DENND4C: variants seen among roughly 807,000 people sequenced by gnomAD.
DENND4C encodes DENN domain-containing protein 4C.
A neutral mutation model predicts 203.0 loss-of-function variants in DENND4C; 108 were observed. The observed-to-expected ratio is 0.53, with a 90% CI of 0.46 to 0.62. The LOEUF (loss-of-function observed/expected upper bound fraction) is 0.62, where lower values mean the gene tolerates loss of function less well. Among genes scored for constraint, DENND4C ranks in the 20% least tolerant of loss-of-function variants. The probability of loss-of-function intolerance (pLI) is 0.00; values close to 1 mark genes in which losing one functional copy is unlikely to be tolerated. For synonymous variants in DENND4C, 871 were observed against 792.4 expected (o/e 1.10, Z -1.67); for missense variants, 2,481 against 2,301.2 (o/e 1.08, Z -1.60).
intron 27 of DENND4C, 77 bp from the exon 28 acceptor site, chr9:19,357,888 T>C: frequency 8.4e-7 from 1 of 1,189,698 alleles, no homozygotes; most frequent in African/African-American, 1.5e-5. Context: ...AGGTCCATTG[T>C]AGAAAATACT....
chr9:19,262,076 C>CTTTTTTTTTTTTTTT (rs60223074), intron 1 of DENND4C, among the ~76,000 whole-genome samples: 1 of 55,444 alleles, frequency 1.8e-5, no homozygotes, highest in African/African-American at 6.1e-5. Flanking sequence ...TTTATTAGTT[C>CTTTTTTTTTTTTTTT]TTTTTTTTTT....
chr9:19,317,308 C>G (rs560158626), intron 12 of DENND4C, among the ~76,000 whole-genome samples: 4 of 151,874 alleles, frequency 2.6e-5, no homozygotes, highest in African/African-American at 9.7e-5. Context: ...GTGTGAGCCA[C>G]TGCACTTGGC....
At chr9:19,347,462 C>G (rs560616227) in intron 23 of DENND4C, among the ~76,000 whole-genome samples, 1 of 152,202 alleles carries the variant, frequency 6.6e-6, no homozygotes, top group East Asian at 1.9e-4. Flanking sequence ...TTATATTTTG[C>G]ATAGTCTATC....
rs146518258 is a variant in DENND4C at position 19,305,917 on chromosome 9, C to T, written c.1487+390C>T. On this transcript the variant is annotated intron_variant, in intron 10 of 32. Transcript: ENST00000434457. ...ACCCATTGGAGATAAAGTTTGGCTA[C>T]AGTATAGGGTGATATTATACCATTT... 1.2e-4 allele frequency among the ~76,000 whole-genome samples: 19 copies of T among 152,240 alleles called. 1 individual carries two copies. The South Asian group carries it at 1.9e-3, about 15-fold the overall frequency.
intron 9 of DENND4C, 120 bp from the exon 10 acceptor site, chr9:19,305,232 T>A (rs1273900069): frequency 2.5e-6 from 2 of 785,556 alleles, no homozygotes; most frequent in Middle Eastern, 3.6e-4. Context: ...GAATGAAGTT[T>A]AAGGTAAACA....
intron 30 of DENND4C, among the ~76,000 whole-genome samples, chr9:19,367,729 GACTCC>G: frequency 6.6e-6 from 1 of 152,076 alleles, no homozygotes; most frequent in Non-Finnish European, 1.5e-5. Context: ...AACAGAGCGA[GACTCC>G]ATCTCAAAAA....
intron 2 of DENND4C, among the ~76,000 whole-genome samples, chr9:19,281,391 C>T (rs1381232789): frequency 6.6e-6 from 1 of 151,982 alleles, no homozygotes; most frequent in Non-Finnish European, 1.5e-5. Context: ...CCTCACTTTC[C>T]CCCCACTCTT....
At chr9:19,344,785 G>A (rs1430436254) in intron 22 of DENND4C, among the ~76,000 whole-genome samples, 1 of 152,012 alleles carries the variant, frequency 6.6e-6, no homozygotes, top group African/African-American at 2.4e-5. Context: ...TTACAGGTGT[G>A]AGCCACCATG....
intron 10 of DENND4C, among the ~76,000 whole-genome samples, chr9:19,313,940 G>C (rs1841240435): frequency 2.6e-5 from 4 of 152,212 alleles, no homozygotes; most frequent in Admixed American, 2.6e-4. Context: ...TGATTAGCTA[G>C]GTATGGTGGC....
chr9:19,324,617 G>A, intron 13 of DENND4C, 110 bp downstream of exon 13: 1 of 972,190 alleles, frequency 1.0e-6, no homozygotes, highest in Admixed American at 2.7e-5. Flanking sequence ...GAGTAGGGTT[G>A]TGTATGTGTG....
chr9:19,348,357 A>G (rs531992016), intron 23 of DENND4C, among the ~76,000 whole-genome samples: 5 of 152,312 alleles, frequency 3.3e-5, no homozygotes, highest in Non-Finnish European at 7.4e-5. Flanking sequence ...CCAAAGAGCA[A>G]TATATGAAAA....
At chr9:19,255,699 A>G (rs1325497225) in intron 1 of DENND4C, among the ~76,000 whole-genome samples, 1 of 152,208 alleles carries the variant, frequency 6.6e-6, no homozygotes, top group Non-Finnish European at 1.5e-5. Flanking sequence ...TTATGCCTTT[A>G]ATAACAGTTT....
intron 1 of DENND4C, among the ~76,000 whole-genome samples, chr9:19,263,465 TC>T (rs2130689491): frequency 6.6e-6 from 1 of 151,910 alleles, no homozygotes; most frequent in South Asian, 2.1e-4. Context: ...CAAGCAATTT[TC>T]CTGCCTCAGC....
chr9:19,242,707 G>C (rs781724738), intron 1 of DENND4C, among the ~76,000 whole-genome samples: 12 of 151,582 alleles, frequency 7.9e-5, no homozygotes, highest in Non-Finnish European at 2.9e-5. Context: ...CCAGGCTGGA[G>C]TGCAATGGCG....
At chr9:19,326,222 T>G in intron 15 of DENND4C, 28 bp downstream of exon 15, 1 of 1,584,566 alleles carries the variant, frequency 6.3e-7, no homozygotes, top group Non-Finnish European at 8.5e-7. Flanking sequence ...AAGAGCTTAA[T>G]GGCACAGCCT....
chr9:19,298,148 G>A (rs761245996), intron 7 of DENND4C, 26 bp downstream of exon 7: 1 of 1,596,892 alleles, frequency 6.3e-7, no homozygotes, highest in Non-Finnish European at 8.6e-7. Flanking sequence ...TATATTTGGG[G>A]AGAACTTTGC....
rs546428042 is a variant in DENND4C, at chr9:19,246,259, T to G, written c.-18+15426T>G. ...TGTCAACTCTGTAATTCCTTGAACCTGAGCAGTGGAGTGTGGCTGGAGAAA... is the reference window on the plus strand; with the variant it reads ...TGTCAACTCTGTAATTCCTTGAACCGGAGCAGTGGAGTGTGGCTGGAGAAA... On this transcript the variant is annotated intron_variant, in intron 1 of 32. Transcript: ENST00000434457. Among the ~76,000 whole-genome samples, 3 of 151,936 alleles carry G rather than the reference T, an allele frequency of 2.0e-5. No homozygotes were observed. In the South Asian group the frequency reaches 6.2e-4, roughly 31 times the overall value.
intron 1 of DENND4C, among the ~76,000 whole-genome samples, chr9:19,233,834 A>C (rs1821202211): frequency 6.6e-6 from 1 of 152,148 alleles, no homozygotes; most frequent in Admixed American, 6.6e-5. Context: ...CCACCTGCCT[A>C]CGCCTCTGAA....
At chr9:19,295,075 T>TA (rs1217241346) in intron 5 of DENND4C, among the ~76,000 whole-genome samples, 16 of 151,628 alleles carry the variant, frequency 1.1e-4, no homozygotes, top group Non-Finnish European at 1.8e-4. Context: ...TCACCCCAAT[T>TA]AAAAAAAAAT....
Sources: allele counts gnomAD v4.1 joint callset (sites outside exome capture counted in the v4.1 genomes callset), GRCh38; gene constraint gnomAD v4.1.1; transcripts MANE v1.5; gene names NCBI Gene and HGNC (gene_info 2026-07-23, HGNC 2026-07-21).